GCLM: variants seen among roughly 807,000 people sequenced by gnomAD.
The protein encoded by GCLM is glutamate-cysteine ligase modifier subunit, also known as glutamate--cysteine ligase regulatory subunit.
Under a neutral mutation model 36.0 loss-of-function variants are expected in GCLM, and 15 were observed. The ratio of observed to expected loss-of-function variants is 0.42; its 90% confidence interval spans 0.28 to 0.64. The LOEUF (loss-of-function observed/expected upper bound fraction) is 0.64. Ranked by LOEUF, GCLM falls within the 30% of genes least tolerant of loss-of-function variation. The pLI is 0.25. For missense variants in GCLM, 242 were observed against 325.5 expected (o/e 0.74, Z 1.97); for synonymous variants, 129 against 122.8 (o/e 1.05, Z -0.34).
chr1:93,896,552 A>G, intron 5 of GCLM, 66 bp downstream of exon 5: 1 of 1,258,200 alleles, frequency 7.9e-7, no homozygotes. Context: ...GATGCTCAAC[A>G]GTGTGCAGCA....
At chr1:93,908,471 GC>G (rs1395151189) in intron 1 of GCLM, among the ~76,000 whole-genome samples, 3 of 152,252 alleles carry the variant, frequency 2.0e-5, no homozygotes, top group African/African-American at 7.2e-5. Flanking sequence ...ATACATAGAC[GC>G]ACAGATAAGT....
At chr1:93,903,233 T>C (rs1472534074) in intron 2 of GCLM, among the ~76,000 whole-genome samples, 2 of 152,022 alleles carry the variant, frequency 1.3e-5, no homozygotes, top group African/African-American at 2.4e-5. Context: ...AGGAGCATAA[T>C]TGCTGATTTT....
At position 93,904,520 on chromosome 1, in the gene GCLM, T is replaced by C. The variant is rs1263374283; in HGVS notation, c.192+3A>G. The stretch of plus-strand genomic sequence containing the variant: ...ATGATTTTTGCATTCACATTTCACT[T>C]ACCCTGACCAAATCTGGGTTGATTT... On this transcript the variant is annotated splice_donor_region_variant and intron_variant, in intron 2 of 6. Coordinates refer to ENST00000370238, the MANE Select transcript of GCLM (RefSeq NM_002061.4). The C allele has an allele frequency of 1.3e-6, 2 of 1,589,032 alleles. No homozygotes were observed. Among genetic ancestry groups the C allele is most frequent in the Admixed American group, 3.3e-5 (2 of 59,992 alleles).
rs924380506 is a variant in GCLM at position 93,886,556 on chromosome 1, A to G, written c.*2434T>C. Reference sequence around the variant, plus strand: ...GAGAGGTAAAAGTAAAAACTCATCAAAAAATTCCATACATGATCCCCTTCA... The same window carrying G: ...GAGAGGTAAAAGTAAAAACTCATCAGAAAATTCCATACATGATCCCCTTCA... On this transcript the variant is annotated 3_prime_UTR_variant, in exon 7 of 7. Transcript: ENST00000370238. 1.3e-5 allele frequency: 2 copies of G among 152,186 alleles called. No individual in the cohort carries two copies. Among genetic ancestry groups the G allele is most frequent in the Non-Finnish European group, 2.9e-5 (2 of 68,014 alleles). The allele number at this position is 152,186 out of a possible 1,614,324, so 9.4% of individuals were successfully genotyped here.
intron 5 of GCLM, among the ~76,000 whole-genome samples, chr1:93,894,983 A>G (rs1394937810): frequency 6.7e-6 from 1 of 149,450 alleles, no homozygotes; most frequent in African/African-American, 2.5e-5. Context: ...GTGTAACACT[A>G]GGGGAACGAA....
chr1:93,900,353 C>G (rs998127880), intron 3 of GCLM, among the ~76,000 whole-genome samples: 1 of 124,710 alleles, frequency 8.0e-6, no homozygotes, highest in South Asian at 2.2e-4. Flanking sequence ...AAATCTCAAG[C>G]CCTCTAGGAA....
chr1:93,895,359 A>C (rs994197935), intron 5 of GCLM, among the ~76,000 whole-genome samples: 4 of 152,100 alleles, frequency 2.6e-5, no homozygotes, highest in Admixed American at 2.6e-4. Flanking sequence ...ACCATTTAAC[A>C]ATCTAATACA....
Position 93,888,121 on chromosome 1 carries a change from C to G in GCLM, c.*869G>C, listed in dbSNP as rs1267746143. On this transcript the variant is annotated 3_prime_UTR_variant, in exon 7 of 7. Coordinates refer to ENST00000370238, the MANE Select transcript of GCLM (RefSeq NM_002061.4). ...TATTACACATTTTACTCAACTGATT[C>G]TTAATTCCTAGCTCTATTGCCCCCT... is the stretch of plus-strand genomic sequence containing the variant. The G allele has an allele frequency of 6.6e-6, 1 of 151,974 alleles. No individual in the cohort carries two copies. The highest frequency in any genetic ancestry group is 1.9e-4 in the East Asian group (1 of 5,158). The allele number at this position is 151,974 out of a possible 1,614,324, so 9.4% of individuals were successfully genotyped here. A position where few individuals can be genotyped will look rare whatever the true frequency, so the allele number is the denominator to read the frequency against.
intron 5 of GCLM, 44 bp from the exon 6 acceptor site, chr1:93,894,772 A>G (rs373013096): frequency 3.4e-6 from 3 of 879,372 alleles, no homozygotes; most frequent in South Asian, 1.4e-5. Flanking sequence ...TAAATTAAAT[A>G]TAATACCAAA....
chr1:93,899,262 C>T lies in GCLM; in HGVS notation c.278-1364G>A, dbSNP rs17879495. On this transcript the variant is annotated intron_variant, in intron 3 of 6. Coordinates refer to ENST00000370238, the MANE Select transcript of GCLM (RefSeq NM_002061.4). Reference sequence around the variant, plus strand: ...CTAATTTTTGTATTTTTAGTAGAGACGGGGTTTTGCCATGTTGTCCAGGCT... The same window carrying T: ...CTAATTTTTGTATTTTTAGTAGAGATGGGGTTTTGCCATGTTGTCCAGGCT... Among the ~76,000 whole-genome samples the T allele has an allele frequency of 1.3e-3, 195 of 151,936 alleles. 2 individuals are homozygous for T. Among genetic ancestry groups the T allele is most frequent in the African/African-American group, 4.5e-3 (188 of 41,438 alleles).
chr1:93,904,536 G>T lies in GCLM; in HGVS notation c.179C>A (p.Pro60Gln). The part of the protein sequence containing the change: ...TLNEWSSQIN[P>Q]DLVREFPDVL... ...CATTTCACTTACCCTGACCAAATCT[G>T]GGTTGATTTGGGAACTCCATTCATT... Residue 60 changes from proline (P) to glutamine (Q), a missense_variant, in exon 2 of 7, where the codon CCA (proline) becomes CAA (glutamine). Transcript: ENST00000370238. 1 of 1,605,782 alleles carries T rather than the reference G, an allele frequency of 6.2e-7. No individual in the cohort carries two copies. The highest frequency in any genetic ancestry group is 8.5e-7 in the Non-Finnish European group (1 of 1,172,582).
intron 2 of GCLM, among the ~76,000 whole-genome samples, chr1:93,902,263 T>C (rs12094906): frequency 0.45 from 43,643 of 97,680 alleles, 6,555 homozygotes; most frequent in Admixed American, 0.53. Flanking sequence ...CTGCAAGCTC[T>C]GCCTCCCGGG....
At chr1:93,893,771 C>T (rs1656618872) in intron 6 of GCLM, among the ~76,000 whole-genome samples, 1 of 152,158 alleles carries the variant, frequency 6.6e-6, no homozygotes. Flanking sequence ...TCTTCCAAGT[C>T]TTTCTAGTTA....
chr1:93,894,550 A>G, intron 6 of GCLM, 64 bp downstream of exon 6: 3 of 888,056 alleles, frequency 3.4e-6, no homozygotes, highest in Non-Finnish European at 5.7e-6. Flanking sequence ...TTATGTATCA[A>G]CAAATACCTT....
At chr1:93,905,969 T>C (rs1657133533) in intron 1 of GCLM, among the ~76,000 whole-genome samples, 1 of 152,142 alleles carries the variant, frequency 6.6e-6, no homozygotes, top group Non-Finnish European at 1.5e-5. Flanking sequence ...AAAACACAAA[T>C]GAGTAACTAG....
chr1:93,907,275 T>TA (rs1242487165), intron 1 of GCLM, among the ~76,000 whole-genome samples: 2 of 152,198 alleles, frequency 1.3e-5, no homozygotes, highest in African/African-American at 4.8e-5. Flanking sequence ...TCTTTAGTTT[T>TA]ATCCTACTGT....
At chr1:93,891,736 T>G (rs1232572426) in intron 6 of GCLM, among the ~76,000 whole-genome samples, 1 of 152,196 alleles carries the variant, frequency 6.6e-6, no homozygotes, top group Non-Finnish European at 1.5e-5. Flanking sequence ...TAAGTGAGCA[T>G]CTTCACAGTT....
chr1:93,886,555 A>G lies in GCLM; in HGVS notation c.*2435T>C, dbSNP rs1656309778. 1 of 152,178 alleles carries G rather than the reference A, an allele frequency of 6.6e-6. No individual in the cohort carries two copies. The highest frequency in any genetic ancestry group is 2.1e-4 in the South Asian group (1 of 4,834). 9.4% of individuals were successfully genotyped at this position (152,178 alleles called of 1,614,324 possible). A position where few individuals can be genotyped will look rare whatever the true frequency, so the allele number is the denominator to read the frequency against. On this transcript the variant is annotated 3_prime_UTR_variant, in exon 7 of 7. Transcript: ENST00000370238. ...AGAGAGGTAAAAGTAAAAACTCATC[A>G]AAAAATTCCATACATGATCCCCTTC...
At chr1:93,897,292 T>C (rs1469504761) in intron 4 of GCLM, among the ~76,000 whole-genome samples, 2 of 152,200 alleles carry the variant, frequency 1.3e-5, no homozygotes, top group African/African-American at 4.8e-5. Context: ...AACTGAATGT[T>C]TGGTCTTAAT....
Sources: gnomAD v4.1 joint callset for allele counts (sites outside exome capture counted in the v4.1 genomes callset) on GRCh38, gnomAD v4.1.1 for gene constraint, MANE v1.5 for transcripts, NCBI Gene and HGNC (gene_info 2026-07-23, HGNC 2026-07-21) for gene names.